The following TCF20 variants were observed in gnomAD, a reference collection of about 807,000 sequenced individuals.
TCF20 encodes the protein SPRE-binding protein.
A neutral mutation model predicts 148.6 loss-of-function variants in TCF20; 3 were observed. The ratio of observed to expected loss-of-function variants is 0.02; its 90% confidence interval spans 0.01 to 0.05. The LOEUF (loss-of-function observed/expected upper bound fraction) is 0.05. Among genes scored for constraint, TCF20 ranks in the 10% least tolerant of loss-of-function variants. The pLI is 1.00. For missense variants in TCF20, 2,350 were observed against 2,429.3 expected (o/e 0.97, Z 0.69); for synonymous variants, 1,049 against 909.5 (o/e 1.15, Z -2.76).
Position 42,170,626 on chromosome 22 carries a change from C to CAAAAAAAAAA in TCF20, c.5750-740_5750-731dup, listed in dbSNP as rs58579686. 4.7e-3 allele frequency among the ~76,000 whole-genome samples: 342 copies of CAAAAAAAAAA among 72,078 alleles called. 31 individuals are homozygous for CAAAAAAAAAA. The highest frequency in any genetic ancestry group is 0.011 in the African/African-American group (173 of 16,348). The allele number at this position is 72,078 out of a possible 152,430, so 47.3% of individuals were successfully genotyped here. On this transcript the variant is annotated intron_variant, in intron 3 of 5. Transcript: ENST00000677622. ...CTGGTGACAGAGCGAGACTCCGTCT[C>CAAAAAAAAAA]AAAAAAAAAAAAAAAAAAAAAAAAA...
chr22:42,283,841 C>A (rs1042299774), exon 1 of TCF20, among the ~76,000 whole-genome samples: 1 of 152,230 alleles, frequency 6.6e-6, no homozygotes, highest in Non-Finnish European at 1.5e-5. Context: ...GCAGCCGCAT[C>A]CTTCCCTGGC....
At chr22:42,310,167 C>A (rs914620260) in intron 1 of TCF20, among the ~76,000 whole-genome samples, 8 of 152,336 alleles carry the variant, frequency 5.3e-5, no homozygotes, top group African/African-American at 1.9e-4. Flanking sequence ...TTCTGTTGGA[C>A]CTTGCAGGCC....
upstream of TCF20, among the ~76,000 whole-genome samples, chr22:42,288,676 C>G (rs553897623): frequency 6.9e-6 from 1 of 144,220 alleles, no homozygotes; most frequent in Admixed American, 7.0e-5. Flanking sequence ...CCACTGTACT[C>G]CAGTCTGGGC....
At chr22:42,308,371 C>T (rs758082357) in intron 1 of TCF20, among the ~76,000 whole-genome samples, 4 of 152,144 alleles carry the variant, frequency 2.6e-5, no homozygotes, top group African/African-American at 9.7e-5. Flanking sequence ...GAGACAGTAA[C>T]ATGTGACTCA....
rs767917766 is a variant in TCF20, at chr22:42,210,831, G to A, written c.4475C>T (p.Pro1492Leu). 1.2e-6 allele frequency: 2 copies of A among 1,614,132 alleles called. No individual in the cohort carries two copies. Among genetic ancestry groups the A allele is most frequent in the Non-Finnish European group, 1.7e-6 (2 of 1,180,020 alleles). ...CACTGGAGGTACATTCTTTGAGTCT[G>A]GAAAGATTAAAGGTGCTGTTCCACC... The part of the protein sequence containing the change: ...SLGGTAPLIF[P>L]DSKNVPPVGI... Residue 1492 changes from proline to leucine, a missense_variant, in exon 2 of 6, where the codon CCA becomes CTA. Physicochemically the swap from Pro to Leu is moderately conservative, Grantham distance 98. Around this residue, in one of 7 missense-constraint regions of TCF20, gnomAD observed 231 missense variants for 213.7 expected, o/e 1.08. Coordinates refer to ENST00000677622, the MANE Select transcript of TCF20 (RefSeq NM_001378418.1). This position sits in a 1 kb window ranked among gnomAD's most constrained non-coding sequence, Gnocchi z 4.7.
chr22:42,307,038 TAAAA>T (rs5845532), intron 1 of TCF20, among the ~76,000 whole-genome samples: 1 of 92,754 alleles, frequency 1.1e-5, no homozygotes. Context: ...GACTCTGTCT[TAAAA>T]AAAAAAAAAA....
chr22:42,195,091 C>T (rs1937522854), intron 2 of TCF20, among the ~76,000 whole-genome samples: 1 of 149,166 alleles, frequency 6.7e-6, no homozygotes, highest in African/African-American at 2.5e-5. Flanking sequence ...AATACAACTC[C>T]TGAATCCCCA....
At chr22:42,170,197 C>T (rs1171297014) in intron 3 of TCF20, among the ~76,000 whole-genome samples, 1 of 151,426 alleles carries the variant, frequency 6.6e-6, no homozygotes, top group African/African-American at 2.4e-5. Flanking sequence ...AATGTTTCTA[C>T]GCATTAAAAA....
chr22:42,230,273 T>C (rs1015731489), intron 1 of TCF20, among the ~76,000 whole-genome samples: 1 of 152,238 alleles, frequency 6.6e-6, no homozygotes, highest in Admixed American at 6.5e-5. Flanking sequence ...GAAAAACTCC[T>C]ATTGCCTGGT....
intron 1 of TCF20, among the ~76,000 whole-genome samples, chr22:42,293,463 G>A (rs1247969123): frequency 1.3e-5 from 2 of 152,248 alleles, no homozygotes; most frequent in Non-Finnish European, 2.9e-5. Context: ...ATGACTACCT[G>A]GGGAGGGTGG....
upstream of TCF20, among the ~76,000 whole-genome samples, chr22:42,285,602 G>A (rs185990829): frequency 2.0e-5 from 3 of 152,162 alleles, no homozygotes; most frequent in African/African-American, 4.8e-5. This position sits in a 1 kb window ranked among gnomAD's most constrained non-coding sequence, Gnocchi z 4.2. Context: ...CCTTCATTCT[G>A]TGCTCTTTGG....
At chr22:42,272,497 C>T (rs1005970037), upstream of TCF20, among the ~76,000 whole-genome samples, 3 of 152,250 alleles carry the variant, frequency 2.0e-5, no homozygotes, top group African/African-American at 2.4e-5. Context: ...ATGCAGGGCC[C>T]GGGGGATGCT....
chr22:42,315,461 G>C (rs563095529), intron 1 of TCF20, among the ~76,000 whole-genome samples: 1 of 152,338 alleles, frequency 6.6e-6, no homozygotes, highest in East Asian at 1.9e-4. Context: ...GGCAGCCCAG[G>C]CAGGTGGAAT....
intron 1 of TCF20, 163 bp from the exon 2 acceptor site, chr22:42,215,504 T>A: frequency 1.1e-6 from 1 of 894,678 alleles, no homozygotes; most frequent in Non-Finnish European, 1.6e-6. Flanking sequence ...AGAGTCTCAC[T>A]CTGTCACCCA....
chr22:42,173,075 A>G (rs887353670), intron 3 of TCF20, among the ~76,000 whole-genome samples: 6 of 152,132 alleles, frequency 3.9e-5, no homozygotes, highest in Non-Finnish European at 5.9e-5. Context: ...TGCTACTGCA[A>G]CGAGAGCTGC....
Position 42,174,983 on chromosome 22 carries a change from C to T in TCF20, c.5749+4626G>A, listed in dbSNP as rs1020891629. Reference sequence around the variant, plus strand: ...CCGGGAGGCGGAGCTTGCAGTGAGCCGAGATCGCGCCACTGCACTCCAGTC... The same window carrying T: ...CCGGGAGGCGGAGCTTGCAGTGAGCTGAGATCGCGCCACTGCACTCCAGTC... On this transcript the variant is annotated intron_variant, in intron 3 of 5. Coordinates refer to ENST00000677622, the MANE Select transcript of TCF20 (RefSeq NM_001378418.1). 4.0e-5 allele frequency among the ~76,000 whole-genome samples: 6 copies of T among 150,786 alleles called. No homozygotes were observed. In the South Asian group the frequency reaches 8.4e-4, roughly 21 times the overall value.
At chr22:42,264,131 C>A (rs1253669281) in intron 1 of TCF20, among the ~76,000 whole-genome samples, 1 of 151,984 alleles carries the variant, frequency 6.6e-6, no homozygotes, top group African/African-American at 2.4e-5. Context: ...TTCTGATCCG[C>A]ACAGTTCCCT....
intron 1 of TCF20, among the ~76,000 whole-genome samples, chr22:42,267,393 T>C (rs140134793): frequency 5.9e-4 from 89 of 151,958 alleles, no homozygotes; most frequent in African/African-American, 2.1e-3. Flanking sequence ...AAATAATCTG[T>C]GTGGCTATAT....
At position 42,299,181 on chromosome 22, in the gene TCF20, G is replaced by T. The variant is rs1360514601; in HGVS notation, c.-37+44298C>A. ...CTTCTCTGGCCTTTAGAAGGCACGGGAGGATGGGGGCAAGGGGGCGGTAGG... is the reference window on the plus strand; with the variant it reads ...CTTCTCTGGCCTTTAGAAGGCACGGTAGGATGGGGGCAAGGGGGCGGTAGG... On this transcript the variant is annotated intron_variant, in intron 1 of 1. Coordinates refer to the TCF20 transcript ENST00000515426. The surrounding 1 kb of genome is among the most constrained non-coding windows in gnomAD (Gnocchi z 4.1). Among the ~76,000 whole-genome samples, 4 of 152,342 alleles carry T rather than the reference G, an allele frequency of 2.6e-5. No individual in the cohort carries two copies. Among genetic ancestry groups the T allele is most frequent in the Admixed American group, 2.6e-4 (4 of 15,310 alleles).
Sources: allele counts gnomAD v4.1 joint callset (sites outside exome capture counted in the v4.1 genomes callset), GRCh38; gene constraint gnomAD v4.1.1; regional missense constraint gnomAD v4.1.1; non-coding constraint Gnocchi (gnomAD v3.1); transcripts MANE v1.5; gene names NCBI Gene and HGNC (gene_info 2026-07-23, HGNC 2026-07-21).